KCNIP4: variants seen among roughly 807,000 people sequenced by gnomAD.
KCNIP4 encodes Kv channel-interacting protein 4.
A neutral mutation model predicts 34.0 loss-of-function variants in KCNIP4; 12 were observed. The ratio of observed to expected loss-of-function variants is 0.35; its 90% CI spans 0.23 to 0.57. The LOEUF is 0.57. KCNIP4 is among the 20% of genes least tolerant of loss of function. The pLI, the probability that KCNIP4 is intolerant of heterozygous loss-of-function variation, is 0.83. For synonymous variants in KCNIP4, 124 were observed against 102.2 expected, an observed-to-expected ratio of 1.21 and a Z score of -1.29; for missense variants, 238 against 311.7, an observed-to-expected ratio of 0.76 and a Z score of 1.78.
chr4:21,318,885 G>T (rs184383367), intron 1 of KCNIP4, among the ~76,000 whole-genome samples: 385 of 151,974 alleles, frequency 2.5e-3, no homozygotes, highest in Admixed American at 5.3e-3. Context: ...ATTTGAAAGG[G>T]AATTATATTT....
chr4:20,783,000 C>G (rs962328529), intron 3 of KCNIP4, among the ~76,000 whole-genome samples: 1 of 152,152 alleles, frequency 6.6e-6, no homozygotes, highest in Non-Finnish European at 1.5e-5. Context: ...TAAATCATCT[C>G]TCTCAAGCTC....
At chr4:21,632,370 T>TGCCTG (rs1745826366) in intron 1 of KCNIP4, among the ~76,000 whole-genome samples, 1 of 148,480 alleles carries the variant, frequency 6.7e-6, no homozygotes, top group South Asian at 2.2e-4. Context: ...CGAGCCACCA[T>TGCCTG]GCCTGGCTAA....
intron 1 of KCNIP4, among the ~76,000 whole-genome samples, chr4:21,239,654 G>A (rs1469353404): frequency 6.6e-6 from 1 of 152,128 alleles, no homozygotes; most frequent in East Asian, 1.9e-4. Context: ...TCAGATAAAT[G>A]CAAATCAAAC....
chr4:21,705,883 G>A (rs1251483633), intron 1 of KCNIP4, among the ~76,000 whole-genome samples: 2 of 152,102 alleles, frequency 1.3e-5, no homozygotes, highest in Admixed American at 1.3e-4. Context: ...TTTTCACATT[G>A]AAGCCTAGAG....
At chr4:21,634,779 A>G (rs1746009892) in intron 1 of KCNIP4, among the ~76,000 whole-genome samples, 1 of 152,212 alleles carries the variant, frequency 6.6e-6, no homozygotes, top group South Asian at 2.1e-4. Context: ...TGCTAAATTT[A>G]CAAAATGGTA....
rs188707871 is a variant in KCNIP4, at chr4:21,812,548, A to G, written c.61+136023T>C. ...GGCTAGTTATTAAATGTCAGCATCCATAAGAGTTGTTTAGCTAAATATTAT... is the reference window on the plus strand; with the variant it reads ...GGCTAGTTATTAAATGTCAGCATCCGTAAGAGTTGTTTAGCTAAATATTAT... On this transcript the variant is annotated intron_variant, in intron 1 of 8. Coordinates refer to ENST00000382152, the MANE Select transcript of KCNIP4 (RefSeq NM_025221.6). Among the ~76,000 whole-genome samples, 16 of 152,342 alleles carry G rather than the reference A, an allele frequency of 1.1e-4. No individual in the cohort carries two copies. In the East Asian group the frequency reaches 3.1e-3, roughly 29 times the overall value.
intron 1 of KCNIP4, among the ~76,000 whole-genome samples, chr4:21,762,458 C>T (rs191962884): frequency 6.6e-6 from 1 of 152,170 alleles, no homozygotes; most frequent in East Asian, 1.9e-4. Flanking sequence ...TGCAAGTTTC[C>T]TTATTTTATA....
At chr4:20,858,356 G>A (rs1721839454) in intron 2 of KCNIP4, among the ~76,000 whole-genome samples, 1 of 151,836 alleles carries the variant, frequency 6.6e-6, no homozygotes, top group Non-Finnish European at 1.5e-5. Context: ...AGAATTGTGA[G>A]AGAATAAATT....
chr4:21,339,905 A>G (rs980178230), intron 1 of KCNIP4, among the ~76,000 whole-genome samples: 1 of 152,190 alleles, frequency 6.6e-6, no homozygotes. Flanking sequence ...TGCCTTTCTT[A>G]TAATTTTCTA....
intron 1 of KCNIP4, among the ~76,000 whole-genome samples, chr4:21,474,872 G>A (rs1441925008): frequency 3.3e-5 from 5 of 151,486 alleles, no homozygotes; most frequent in East Asian, 1.9e-4. Context: ...ATGGTAGCAG[G>A]CGCCTGTAAT....
chr4:21,395,030 T>A (rs995891041), intron 1 of KCNIP4, among the ~76,000 whole-genome samples: 39 of 152,280 alleles, frequency 2.6e-4, no homozygotes, highest in African/African-American at 8.9e-4. Flanking sequence ...TTTGATAATC[T>A]TTATATTGAA....
At chr4:21,835,764 TA>T (rs1244307226) in intron 1 of KCNIP4, among the ~76,000 whole-genome samples, 1 of 152,112 alleles carries the variant, frequency 6.6e-6, no homozygotes, top group African/African-American at 2.4e-5. Flanking sequence ...CTACTGTTTA[TA>T]AAGACTAGAA....
chr4:20,861,953 G>A (rs550530678), intron 2 of KCNIP4, among the ~76,000 whole-genome samples: 27 of 146,816 alleles, frequency 1.8e-4, no homozygotes, highest in African/African-American at 6.8e-4. Flanking sequence ...CATCATGAAT[G>A]GCCCCTTATG....
chr4:20,792,333 C>A (rs897144926), intron 3 of KCNIP4, among the ~76,000 whole-genome samples: 10 of 152,010 alleles, frequency 6.6e-5, no homozygotes, highest in Admixed American at 4.6e-4. Context: ...AGATTGCACT[C>A]CAGCCTGGGC....
chr4:21,721,106 C>T (rs147588078), intron 1 of KCNIP4, among the ~76,000 whole-genome samples: 10 of 152,232 alleles, frequency 6.6e-5, no homozygotes, highest in African/African-American at 1.9e-4. Flanking sequence ...AGCCTTAGTT[C>T]GGAGTTTGGT....
At chr4:21,866,029 T>C (rs997011565) in intron 1 of KCNIP4, among the ~76,000 whole-genome samples, 1 of 151,830 alleles carries the variant, frequency 6.6e-6, no homozygotes, top group Non-Finnish European at 1.5e-5. Context: ...TAAATCTCAA[T>C]ACAAAAATAA....
chr4:20,880,391 C>A (rs571661066), intron 2 of KCNIP4, among the ~76,000 whole-genome samples: 1 of 152,258 alleles, frequency 6.6e-6, no homozygotes, highest in South Asian at 2.1e-4. Context: ...AAATCACGAG[C>A]TAAGTCTAGC....
intron 1 of KCNIP4, among the ~76,000 whole-genome samples, chr4:21,235,062 T>C (rs1220556294): frequency 6.6e-6 from 1 of 152,170 alleles, no homozygotes; most frequent in African/African-American, 2.4e-5. Flanking sequence ...TTATAACTAC[T>C]ATAACATAAA....
intron 3 of KCNIP4, among the ~76,000 whole-genome samples, chr4:20,836,257 T>C (rs1560502013): frequency 6.6e-6 from 1 of 152,190 alleles, no homozygotes; most frequent in Non-Finnish European, 1.5e-5. Context: ...TCAACCTCCA[T>C]CAGTTTCTTA....
Sources: gnomAD v4.1 joint callset for allele counts (sites outside exome capture counted in the v4.1 genomes callset) on GRCh38, gnomAD v4.1.1 for gene constraint, MANE v1.5 for transcripts, NCBI Gene and HGNC (gene_info 2026-07-23, HGNC 2026-07-21) for gene names.